The following CDK15 variants were observed in gnomAD, a reference collection of about 807,000 sequenced individuals.
CDK15 encodes cyclin dependent kinase 15.
In CDK15, 62 loss-of-function variants were observed where a neutral mutation model predicts 60.3. The observed-to-expected ratio is 1.03, with a 90% CI of 0.84 to 1.27. CDK15 has a LOEUF of 1.27. Ranked by LOEUF, CDK15 falls within the 50% of genes most tolerant of loss-of-function variation. The probability of loss-of-function intolerance (pLI) is 0.00; values close to 1 mark genes in which losing one functional copy is unlikely to be tolerated. For synonymous variants in CDK15, 194 were observed against 195.7 expected, an observed-to-expected ratio of 0.99 and a Z score of 0.07; for missense variants, 541 against 527.8, an observed-to-expected ratio of 1.03 and a Z score of -0.25.
chr2:201,873,788 T>C (rs922349996), intron 11 of CDK15, among the ~76,000 whole-genome samples: 12 of 152,186 alleles, frequency 7.9e-5, no homozygotes, highest in African/African-American at 1.2e-4. Flanking sequence ...CCCGGTGGCT[T>C]ACGCCTGTAA....
Position 201,843,954 on chromosome 2 carries a change from T to C in CDK15, c.852-3427T>C, listed in dbSNP as rs368668805. Among the ~76,000 whole-genome samples, 36 of 152,126 alleles carry C rather than the reference T, an allele frequency of 2.4e-4. No homozygotes were observed. In the East Asian group the frequency reaches 5.4e-3, roughly 23 times the overall value. On this transcript the variant is annotated intron_variant, in intron 8 of 13. Transcript: ENST00000652192. ...CTTGGTTCCCTACAGCTGTTAAGTA[T>C]GAAAACACACCATGAAAAGGCAACA...
chr2:201,856,469 G>C (rs527252877), intron 10 of CDK15, among the ~76,000 whole-genome samples: 2 of 152,256 alleles, frequency 1.3e-5, no homozygotes, highest in South Asian at 4.1e-4. Flanking sequence ...AGTTTAACAC[G>C]TGAGAAAAAT....
chr2:201,879,010 G>T (rs150833545), intron 11 of CDK15, among the ~76,000 whole-genome samples: 229 of 152,284 alleles, frequency 1.5e-3, no homozygotes, highest in African/African-American at 5.4e-3. Flanking sequence ...ATGAACATCT[G>T]ACTCCTCTAC....
chr2:201,862,578 A>G (rs1698443747), intron 10 of CDK15, among the ~76,000 whole-genome samples: 1 of 152,202 alleles, frequency 6.6e-6, no homozygotes, highest in Non-Finnish European at 1.5e-5. Context: ...ATAATTGAGG[A>G]CTAACTATGA....
At chr2:201,866,900 C>A (rs1232056846) in intron 10 of CDK15, among the ~76,000 whole-genome samples, 1 of 152,106 alleles carries the variant, frequency 6.6e-6, no homozygotes, top group Non-Finnish European at 1.5e-5. Context: ...CCTGACTGAC[C>A]CGGACACATC....
chr2:201,840,309 G>A (rs1401381298), intron 8 of CDK15, among the ~76,000 whole-genome samples: 4 of 152,050 alleles, frequency 2.6e-5, no homozygotes, highest in Admixed American at 2.6e-4. Flanking sequence ...AAAAATTCAA[G>A]GTTGCTAATT....
chr2:201,833,183 G>C (rs938520543), intron 6 of CDK15, among the ~76,000 whole-genome samples: 1 of 129,782 alleles, frequency 7.7e-6, no homozygotes, highest in Admixed American at 8.5e-5. Flanking sequence ...CCTACAATTT[G>C]TTCCTTATTC....
At chr2:201,891,007 G>A (rs1465593317) in intron 13 of CDK15, 80 bp downstream of exon 13, 1 of 715,614 alleles carries the variant, frequency 1.4e-6, no homozygotes, top group South Asian at 1.9e-5. Flanking sequence ...CATTGCTCAG[G>A]GATTCAGAGC....
At chr2:201,874,854 T>A (rs963566493) in intron 11 of CDK15, among the ~76,000 whole-genome samples, 2 of 152,202 alleles carry the variant, frequency 1.3e-5, no homozygotes, top group Non-Finnish European at 2.9e-5. Flanking sequence ...ACTGAGAACA[T>A]TTAAAAAGTG....
Position 201,850,709 on chromosome 2 carries a change from C to T in CDK15, c.945+3235C>T, listed in dbSNP as rs181817576. On this transcript the variant is annotated intron_variant, in intron 9 of 13. Transcript: ENST00000652192. ...TTCCATTTTTAATATTTTGAGGAAC[C>T]TCCATACCATCTTCCATAATGGCTG... is the stretch of plus-strand genomic sequence containing the variant. Among the ~76,000 whole-genome samples, 3 of 152,256 alleles carry T rather than the reference C, an allele frequency of 2.0e-5. No individual in the cohort carries two copies. The East Asian group carries it at 5.8e-4, about 29-fold the overall frequency.
At chr2:201,837,826 A>T (rs1574882321) in intron 8 of CDK15, among the ~76,000 whole-genome samples, 1 of 152,352 alleles carries the variant, frequency 6.6e-6, no homozygotes, top group African/African-American at 2.4e-5. Context: ...AATTGATTTT[A>T]AAAAATTAAA....
At chr2:201,844,834 T>C (rs1258342115) in intron 8 of CDK15, among the ~76,000 whole-genome samples, 5 of 152,060 alleles carry the variant, frequency 3.3e-5, no homozygotes, top group Admixed American at 1.3e-4. Flanking sequence ...GGGGCTGTTA[T>C]ATCCAAATTG....
intron 4 of CDK15, among the ~76,000 whole-genome samples, chr2:201,820,070 A>G (rs553502365): frequency 1.3e-5 from 2 of 152,342 alleles, no homozygotes; most frequent in East Asian, 1.9e-4. Context: ...TTTTAGTAAT[A>G]TAGTTAGGTG....
At chr2:201,819,261 A>G (rs1052279059) in intron 4 of CDK15, among the ~76,000 whole-genome samples, 2 of 152,076 alleles carry the variant, frequency 1.3e-5, no homozygotes, top group African/African-American at 4.8e-5. Context: ...GTGAGGGAGG[A>G]TGAAGGCAGA....
Position 201,813,496 on chromosome 2 carries a change from T to C in CDK15, c.448+934T>C, listed in dbSNP as rs1005272277. On this transcript the variant is annotated intron_variant, in intron 4 of 13. Coordinates refer to ENST00000652192, the MANE Select transcript of CDK15 (RefSeq NM_001366386.2). ...ATTTTCTCCCACTTTTAACTACTTA[T>C]CTTCTGTTCTTTACTGAGCACATGC... is the stretch of plus-strand genomic sequence containing the variant. Among the ~76,000 whole-genome samples, 3 of 152,242 alleles carry C rather than the reference T, an allele frequency of 2.0e-5. No homozygotes were observed. The South Asian group carries it at 6.2e-4, about 31-fold the overall frequency.
At chr2:201,845,046 G>A (rs1045234877) in intron 8 of CDK15, among the ~76,000 whole-genome samples, 1 of 152,090 alleles carries the variant, frequency 6.6e-6, no homozygotes, top group Non-Finnish European at 1.5e-5. Context: ...TTACTCAGGA[G>A]GCTGAGGCAG....
chr2:201,860,391 G>A (rs1247117122), intron 10 of CDK15, among the ~76,000 whole-genome samples: 2 of 152,300 alleles, frequency 1.3e-5, no homozygotes, highest in African/African-American at 4.8e-5. Context: ...CCTGATGTGC[G>A]TGCAAAGCAT....
chr2:201,826,002 G>C (rs1386732184), intron 6 of CDK15, among the ~76,000 whole-genome samples: 1 of 152,184 alleles, frequency 6.6e-6, no homozygotes, highest in Non-Finnish European at 1.5e-5. Context: ...TGTGCTAAAT[G>C]CTTCAAAGAC....
rs116338281 is a variant in CDK15 at position 201,862,572 on chromosome 2, T to A, written c.1009+7635T>A. ...TTCACCTTAATAATGGTAATAATAA[T>A]TGAGGACTAACTATGAGCTAGACAC... On this transcript the variant is annotated intron_variant, in intron 10 of 13. Transcript: ENST00000652192. Among the ~76,000 whole-genome samples the A allele has an allele frequency of 2.8e-3, 421 of 152,344 alleles. 6 individuals are homozygous for A. The highest frequency in any genetic ancestry group is 9.8e-3 in the African/African-American group (409 of 41,576).
Sources: gnomAD v4.1 joint callset for allele counts (sites outside exome capture counted in the v4.1 genomes callset) on GRCh38, gnomAD v4.1.1 for gene constraint, MANE v1.5 for transcripts, NCBI Gene and HGNC (gene_info 2026-07-23, HGNC 2026-07-21) for gene names.